KMT2D: variants seen among roughly 807,000 people sequenced by gnomAD.
KMT2D encodes lysine methyltransferase 2D.
KMT2D carries 55 observed loss-of-function variants against 512.7 expected under a neutral mutation model. The ratio of observed to expected loss-of-function variants is 0.11; its 90% CI spans 0.09 to 0.13. The LOEUF (loss-of-function observed/expected upper bound fraction) is 0.13, where lower values mean the gene tolerates loss of function less well. KMT2D is among the 10% of genes least tolerant of loss of function. KMT2D has a pLI of 1.00. For missense variants in KMT2D, 6,061 were observed against 7,127.9 expected (o/e 0.85, Z 5.39); for synonymous variants, 2,995 against 2,904.0 (o/e 1.03, Z -1.01).
chr12:49,037,573 C>T lies in KMT2D; in HGVS notation c.9783G>A (p.Gln3261=), dbSNP rs2120482119. ...ACTGTGCTGAAAGCTGCTGCTTCTTCTGCAGCTCCTTCTTCTCATGCTCCA... is the reference window on the plus strand; with the variant it reads ...ACTGTGCTGAAAGCTGCTGCTTCTTTTGCAGCTCCTTCTTCTCATGCTCCA... ...DLLEHEKKEL[Q]KKQQLSAQLQ... is the part of the protein sequence containing the mutation. The change falls in exon 35 of 55, where the codon CAG becomes CAA. Residue 3261 remains glutamine, a synonymous_variant. Transcript: ENST00000301067. 1.3e-6 allele frequency: 2 copies of T among 1,554,266 alleles called. No individual in the cohort carries two copies. Among genetic ancestry groups the T allele is most frequent in the Non-Finnish European group, 1.7e-6 (2 of 1,148,552 alleles).
rs200747793 is a variant in KMT2D, at chr12:49,030,732, T to C, written c.13708A>G (p.Thr4570Ala). The change falls in exon 42 of 55, where the codon ACC becomes GCC. Residue 4570 changes from threonine (T) to alanine (A), a missense_variant. Physicochemically the swap from Thr to Ala is moderately conservative, Grantham distance 58 (BLOSUM62 0). Around this residue, in one of 16 missense-constraint regions of KMT2D, gnomAD observed 1,600 missense variants for 1,754.9 expected, o/e 0.91. Transcript: ENST00000301067. ...GGGGCAAAGAGGCTAAAATTGGCGG[T>C]GATAGCAGGCTCCGTTAGGGGCAGC... ...SLLPLTEPAI[T>A]ANFSLFAPFG... 1.2e-6 allele frequency: 2 copies of C among 1,613,496 alleles called. No individual in the cohort carries two copies. Among genetic ancestry groups the C allele is most frequent in the Non-Finnish European group, 1.7e-6 (2 of 1,179,868 alleles).
intron 49 of KMT2D, among the ~76,000 whole-genome samples, chr12:49,025,468 G>A (rs1407446735): frequency 6.6e-6 from 1 of 152,222 alleles, no homozygotes. Context: ...ATGCTGTACA[G>A]ATTTGTAGCC....
Position 49,052,905 on chromosome 12 carries a change from C to G in KMT2D, c.1112+10G>C, listed in dbSNP as rs1592159138. ...TGCCAGCCCAATCTCAGTCAGTCCC[C>G]ACCACTTACCTGCTACACACCGGGG... On this transcript the variant is annotated intron_variant, in intron 9 of 54. Coordinates refer to ENST00000301067, the MANE Select transcript of KMT2D (RefSeq NM_003482.4). The G allele has an allele frequency of 5.0e-6, 8 of 1,613,836 alleles. No homozygotes were observed. The highest frequency in any genetic ancestry group is 6.8e-6 in the Non-Finnish European group (8 of 1,179,750).
Position 49,037,809 on chromosome 12 carries a change from C to T in KMT2D, c.9547G>A (p.Ala3183Thr), listed in dbSNP as rs200429063. The change falls in exon 35 of 55, where the codon GCC becomes ACC. Residue 3183 changes from alanine to threonine, a missense_variant. Ala to Thr is a moderately conservative substitution (Grantham distance 58). Transcript: ENST00000301067. ...FSSSGHTAEK[A>T]SFGATGGPPA... ...GGTCCTCCCGTGGCCCCAAAGGAGG[C>T]CTTCTCAGCTGTGTGCCCACTGCTA... 1.3e-6 allele frequency: 2 copies of T among 1,597,170 alleles called. No homozygotes were observed. Among genetic ancestry groups the T allele is most frequent in the Non-Finnish European group, 1.7e-6 (2 of 1,171,750 alleles).
Position 49,054,240 on chromosome 12 carries a change from C to A in KMT2D, c.510+67G>T. On this transcript the variant is annotated intron_variant, in intron 5 of 54. Transcript: ENST00000301067. The surrounding 1 kb of genome is among the most constrained non-coding windows in gnomAD (Gnocchi z 6.4). ...CAGTATACCCATGGTCCTTCTCATTCCAACCTGACTCTCAGAAGCCCACCA... is the reference window on the plus strand; with the variant it reads ...CAGTATACCCATGGTCCTTCTCATTACAACCTGACTCTCAGAAGCCCACCA... 6.5e-7 allele frequency: 1 copy of A among 1,538,592 alleles called. No individual in the cohort carries two copies.
At position 49,042,315 on chromosome 12, in the gene KMT2D, G is replaced by A. The variant is rs534782967; in HGVS notation, c.5883C>T (p.Phe1961=). The part of the protein sequence containing the change: ...PFLDSRERGG[F]FSPEPGEPDS... ...CGGGCTCACCGGGTTCCGGGCTAAA[G>A]AAGCCCCCGCGCTCCCTGGGGCGCA... Residue 1961 remains phenylalanine (F), a synonymous_variant, in exon 29 of 55, where the codon TTC becomes TTT. Transcript: ENST00000301067. The surrounding 1 kb of genome is among the most constrained non-coding windows in gnomAD (Gnocchi z 4.4). The A allele has an allele frequency of 3.9e-6, 6 of 1,546,334 alleles. No homozygotes were observed. The highest frequency in any genetic ancestry group is 3.5e-6 in the Non-Finnish European group (4 of 1,144,632).
rs773159666 is a variant in KMT2D, at chr12:49,043,670, C to A, written c.5432G>T (p.Gly1811Val). ...TGTGGGGAGTTCCTTCCTTTCTGAGCCTCCATCTCCCTTGGCTTTTGGGGT... is the reference window on the plus strand; with the variant it reads ...TGTGGGGAGTTCCTTCCTTTCTGAGACTCCATCTCCCTTGGCTTTTGGGGT... ...LGTPKAKGDG[G>V]SERKELPTSQ... Residue 1811 changes from glycine (G) to valine (V), a missense_variant, in exon 24 of 55, where the codon GGC becomes GTC. Physicochemically the swap from Gly to Val is moderately radical, Grantham distance 109. Transcript: ENST00000301067. The A allele has an allele frequency of 5.0e-6, 8 of 1,613,912 alleles. No individual in the cohort carries two copies. The highest frequency in any genetic ancestry group is 3.3e-5 in the South Asian group (3 of 91,096).
In KMT2D at chr12:49,044,873, G is replaced by A. The variant is rs1592143873; in HGVS notation, c.4834C>T (p.Arg1612Cys). The change falls in exon 20 of 55, where the codon CGC (arginine) becomes TGC (cysteine). Residue 1612 changes from arginine (R) to cysteine (C), a missense_variant. Coordinates refer to ENST00000301067, the MANE Select transcript of KMT2D (RefSeq NM_003482.4). This position sits in a 1 kb window ranked among gnomAD's most constrained non-coding sequence, Gnocchi z 6.4. ...AGGCCAAGCCGTCCTCGCCGTTGGC[G>A]CCGCTTGTGCAGTGGTGACATGGTC... ...NLTMSPLHKR[R>C]QRRGRLGLPG... 6.2e-7 allele frequency: 1 copy of A among 1,614,062 alleles called. No individual in the cohort carries two copies. The highest frequency in any genetic ancestry group is 8.5e-7 in the Non-Finnish European group (1 of 1,179,892).
In KMT2D at chr12:49,040,704, G is replaced by A. The variant is rs398123757; in HGVS notation, c.7066C>T (p.Gln2356Ter). The change falls in exon 32 of 55, where the codon CAG becomes TAG. Residue 2356 changes from glutamine (Q) to a stop codon, truncating the protein, a stop_gained. Transcript: ENST00000301067. LOFTEE classifies it high-confidence loss of function. ...CTTGGAGGAGAAGGTGCCAAAGCCT[G>A]GGCAGGGGGTGGCTCCTGGGGCCTT... ...GLRPQEPPPA[Q>*]ALAPSPPSHP... is the part of the protein sequence containing the mutation. 1 of 1,613,814 alleles carries A rather than the reference G, an allele frequency of 6.2e-7. No homozygotes were observed. Among genetic ancestry groups the A allele is most frequent in the Non-Finnish European group, 8.5e-7 (1 of 1,179,800 alleles).
In KMT2D at chr12:49,033,689, G is replaced by A. The variant is rs771550478; in HGVS notation, c.11016C>T (p.Phe3672=). The part of the protein sequence containing the change: ...MALPGQPGGP[F]LNTALAQQQQ... Reference sequence around the variant, plus strand: ...GCTGTTGGGCCAGAGCTGTATTAAGGAAGGGGCCACCAGGCTGTCCAGGTA... The same window carrying A: ...GCTGTTGGGCCAGAGCTGTATTAAGAAAGGGGCCACCAGGCTGTCCAGGTA... Residue 3672 remains phenylalanine (F), a synonymous_variant, in exon 40 of 55, where the codon TTC becomes TTT. Transcript: ENST00000301067. 6.8e-6 allele frequency: 11 copies of A among 1,613,712 alleles called. No homozygotes were observed. Among genetic ancestry groups the A allele is most frequent in the Non-Finnish European group, 8.5e-6 (10 of 1,179,878 alleles).
chr12:49,022,421 C>A lies in KMT2D; in HGVS notation c.16339-68G>T, dbSNP rs1465392610. ...AGAGTGGCAGTGGTGGCTGTGGGAT[C>A]AGGTAGGAGACTCAGGCAGTGGGGG... On this transcript the variant is annotated intron_variant, in intron 52 of 54. Coordinates refer to ENST00000301067, the MANE Select transcript of KMT2D (RefSeq NM_003482.4). The surrounding 1 kb of genome is among the most constrained non-coding windows in gnomAD (Gnocchi z 8.6). 20 of 1,534,070 alleles carry A rather than the reference C, an allele frequency of 1.3e-5. No individual in the cohort carries two copies. Among genetic ancestry groups the A allele is most frequent in the Non-Finnish European group, 1.3e-5 (14 of 1,119,660 alleles).
intron 24 of KMT2D, 70 bp downstream of exon 24, chr12:49,043,565 A>C: frequency 6.2e-7 from 1 of 1,603,800 alleles, no homozygotes; most frequent in South Asian, 1.1e-5. Context: ...TTTCCCATCA[A>C]ATAACTTGCC....
At position 49,044,567 on chromosome 12, in the gene KMT2D, G is replaced by A. The variant is rs1943699003; in HGVS notation, c.4964-45C>T. 6.2e-7 allele frequency: 1 copy of A among 1,605,810 alleles called. No homozygotes were observed. Among genetic ancestry groups the A allele is most frequent in the African/African-American group, 1.3e-5 (1 of 74,520 alleles). ...AGATGGAGGCAAATCAGAACTATAGGCCCTTTTAACCTTGTCATCCTGCCA... is the reference window on the plus strand; with the variant it reads ...AGATGGAGGCAAATCAGAACTATAGACCCTTTTAACCTTGTCATCCTGCCA... On this transcript the variant is annotated intron_variant, in intron 20 of 54. Transcript: ENST00000301067. The surrounding 1 kb of genome is among the most constrained non-coding windows in gnomAD (Gnocchi z 6.4).
At chr12:49,025,077 C>T (rs1020247692) in intron 49 of KMT2D, 131 bp from the exon 50 acceptor site, 1 of 1,082,972 alleles carries the variant, frequency 9.2e-7, no homozygotes, top group African/African-American at 1.6e-5. Context: ...TGTTGGTCTT[C>T]CAGATCCTCT....
Position 49,060,589 on chromosome 12 carries a change from T to G in KMT2D, c.-1014A>C, listed in dbSNP as rs750045168. Among the ~76,000 whole-genome samples, 1 of 152,086 alleles carries G rather than the reference T, an allele frequency of 6.6e-6. No individual in the cohort carries two copies. The highest frequency in any genetic ancestry group is 1.5e-5 in the Non-Finnish European group (1 of 67,970). Reference sequence around the variant, plus strand: ...GGAAAGTAGTGCAGCGCGGCGCCGCTCCGCCTCCCCCCCTCCGCCTCCTGT... The same window carrying G: ...GGAAAGTAGTGCAGCGCGGCGCCGCGCCGCCTCCCCCCCTCCGCCTCCTGT... On this transcript the variant is annotated 5_prime_UTR_variant, in exon 1 of 55. Transcript: ENST00000301067.
In KMT2D at chr12:49,032,946, AGCT is replaced by A. The variant is rs576788910; in HGVS notation, c.11756_11758del (p.Gln3919del). On this transcript the variant is annotated inframe_deletion, in exon 40 of 55. Transcript: ENST00000301067. ...CTGCTGAAGTTGCTGTTGCTGTTGT[AGCT>A]GCTGCTGCTGCTGCTGCTGAAGTTG... The A allele has an allele frequency of 7.6e-5, 117 of 1,548,440 alleles. No homozygotes were observed. The highest frequency in any genetic ancestry group is 1.8e-4 in the Middle Eastern group (1 of 5,406).
rs993552265 is a variant in KMT2D, at chr12:49,026,166, A to G, written c.15784+16T>C. On this transcript the variant is annotated intron_variant, in intron 49 of 54. Coordinates refer to ENST00000301067, the MANE Select transcript of KMT2D (RefSeq NM_003482.4). The surrounding 1 kb of genome is among the most constrained non-coding windows in gnomAD (Gnocchi z 9.6). ...TTCCCATTCCATATTATCCATTTCA[A>G]GGGCCCACTGCTCACCCTGGGGAGA... 4.5e-6 allele frequency: 7 copies of G among 1,544,282 alleles called. No individual in the cohort carries two copies. The highest frequency in any genetic ancestry group is 6.1e-6 in the Non-Finnish European group (7 of 1,143,830).
Position 49,033,518 on chromosome 12 carries a change from C to T in KMT2D, c.11187G>A (p.Gln3729=). ...RQLQLQQQRM[Q]LAQKLQQQQQ... is the part of the protein sequence containing the mutation. Reference sequence around the variant, plus strand: ...GCTGCTGCTGCAGTTTCTGGGCCAGCTGCATACGTTGCTGCTGCAGCTGCA... The same window carrying T: ...GCTGCTGCTGCAGTTTCTGGGCCAGTTGCATACGTTGCTGCTGCAGCTGCA... Residue 3729 remains glutamine, a synonymous_variant, in exon 40 of 55, where the codon CAG becomes CAA. Transcript: ENST00000301067. 4 of 1,613,552 alleles carry T rather than the reference C, an allele frequency of 2.5e-6. No individual in the cohort carries two copies. The highest frequency in any genetic ancestry group is 3.4e-6 in the Non-Finnish European group (4 of 1,179,780).
Position 49,052,612 on chromosome 12 carries a change from T to A in KMT2D, c.1210A>T (p.Met404Leu). Residue 404 changes from methionine (M) to leucine (L), a missense_variant, in exon 10 of 55, where the codon ATG becomes TTG. Transcript: ENST00000301067. ...GQPKGGHVTSMQPKEPGPLQC... is the reference protein window; with the variant it reads ...GQPKGGHVTSLQPKEPGPLQC... ...AGGGGCCCTGGTTCCTTGGGTTGCA[T>A]AGAGGTCACGTGCCCACCCTTTGGC... 6.2e-7 allele frequency: 1 copy of A among 1,613,524 alleles called. No homozygotes were observed. The highest frequency in any genetic ancestry group is 1.1e-5 in the South Asian group (1 of 91,014).
Sources: gnomAD v4.1 joint callset for allele counts (sites outside exome capture counted in the v4.1 genomes callset) on GRCh38, gnomAD v4.1.1 for gene constraint, gnomAD v4.1.1 regional missense constraint, Gnocchi (gnomAD v3.1) non-coding constraint, MANE v1.5 for transcripts, NCBI Gene and HGNC (gene_info 2026-07-23, HGNC 2026-07-21) for gene names.